FBXO31: variants seen among roughly 807,000 people sequenced by gnomAD.
FBXO31 encodes the protein F-box only protein 31.
A neutral mutation model predicts 54.4 loss-of-function variants in FBXO31; 24 were observed. The ratio of observed to expected loss-of-function variants is 0.44; its 90% CI spans 0.32 to 0.62. FBXO31 has a LOEUF of 0.62. Ranked by LOEUF, FBXO31 falls within the 20% of genes least tolerant of loss-of-function variation. The pLI is 0.05. For missense variants in FBXO31, 665 were observed against 787.1 expected (o/e 0.84, Z 1.86); for synonymous variants, 388 against 335.6 (o/e 1.16, Z -1.71).
chr16:87,383,850 G>T, upstream of FBXO31: 2 of 830,492 alleles, frequency 2.4e-6, no homozygotes, highest in Non-Finnish European at 3.0e-6. The surrounding 1 kb of genome is among the most constrained non-coding windows in gnomAD (Gnocchi z 4.9). Flanking sequence ...CACGCCCCCT[G>T]GAGAGCCTAG....
chr16:87,381,526 T>C (rs1907076398), intron 1 of FBXO31, among the ~76,000 whole-genome samples: 1 of 152,218 alleles, frequency 6.6e-6, no homozygotes, highest in Non-Finnish European at 1.5e-5. Context: ...GAGCCTGGGC[T>C]GGGGCCCAAG....
At chr16:87,352,718 T>C (rs139701219) in intron 2 of FBXO31, among the ~76,000 whole-genome samples, 3 of 152,320 alleles carry the variant, frequency 2.0e-5, no homozygotes, top group African/African-American at 4.8e-5. Flanking sequence ...GAATAATCTT[T>C]TGAGGTCAAC....
chr16:87,347,076 G>T, intron 3 of FBXO31, 98 bp downstream of exon 3: 2 of 1,097,178 alleles, frequency 1.8e-6, no homozygotes, highest in South Asian at 2.5e-5. Context: ...GCACATCTGG[G>T]CCAGCTTGTA....
At chr16:87,378,234 A>G (rs545439591) in intron 1 of FBXO31, among the ~76,000 whole-genome samples, 59 of 152,324 alleles carry the variant, frequency 3.9e-4, no homozygotes, top group Middle Eastern at 3.4e-3. Flanking sequence ...AGAAAGGAAA[A>G]AAGAAGCAAA....
chr16:87,346,045 G>A lies in FBXO31; in HGVS notation c.489+1129C>T, dbSNP rs1439428476. Among the ~76,000 whole-genome samples, 1 of 152,210 alleles carries A rather than the reference G, an allele frequency of 6.6e-6. No homozygotes were observed. Among genetic ancestry groups the A allele is most frequent in the Non-Finnish European group, 1.5e-5 (1 of 68,038 alleles). ...CTGCTGAGAGGAGAAGGGGCCAAGC[G>A]AAGCGTGACTCACAAAGCCAGGAAG... On this transcript the variant is annotated intron_variant, in intron 3 of 8. Coordinates refer to ENST00000311635, the MANE Select transcript of FBXO31 (RefSeq NM_024735.5). This position sits in a 1 kb window ranked among gnomAD's most constrained non-coding sequence, Gnocchi z 4.2.
At chr16:87,359,905 C>A (rs1474636520) in intron 2 of FBXO31, among the ~76,000 whole-genome samples, 1 of 152,172 alleles carries the variant, frequency 6.6e-6, no homozygotes, top group African/African-American at 2.4e-5. Flanking sequence ...GTTCTCCGTA[C>A]CTGGGGCTTG....
chr16:87,371,779 A>T (rs1041720076), intron 1 of FBXO31, among the ~76,000 whole-genome samples: 3 of 152,204 alleles, frequency 2.0e-5, no homozygotes, highest in Non-Finnish European at 2.9e-5. Flanking sequence ...CAGCGCCAGG[A>T]CCTCTAGCAA....
Position 87,335,310 on chromosome 16 carries a change from C to T in FBXO31, c.990G>A (p.Lys330=). The T allele has an allele frequency of 6.2e-7, 1 of 1,613,678 alleles. No homozygotes were observed. Among genetic ancestry groups the T allele is most frequent in the East Asian group, 2.2e-5 (1 of 44,868 alleles). The change falls in exon 7 of 9, where the codon AAG becomes AAA. Residue 330 remains lysine (K), a synonymous_variant. Transcript: ENST00000311635. The surrounding 1 kb of genome is among the most constrained non-coding windows in gnomAD (Gnocchi z 5.7). The stretch of plus-strand genomic sequence containing the variant: ...CAGGTCAGCCGCCACTCACCGTGAT[C>T]TTGGTGCCCCTGGCACGCCGGCCGT... ...SFHGRRARGT[K]ITGDPNIPAG... is the part of the protein sequence containing the mutation.
At chr16:87,363,107 G>A (rs1034813014) in intron 1 of FBXO31, among the ~76,000 whole-genome samples, 10 of 152,168 alleles carry the variant, frequency 6.6e-5, no homozygotes, top group Admixed American at 3.3e-4. Context: ...AACAAAAGCC[G>A]GGCGCGGTGG....
chr16:87,349,833 C>T (rs867945903), intron 2 of FBXO31, among the ~76,000 whole-genome samples: 30 of 146,964 alleles, frequency 2.0e-4, no homozygotes, highest in Middle Eastern at 3.6e-3. Flanking sequence ...CACTTGAGCC[C>T]GGGAGGCGGA....
intron 8 of FBXO31, 107 bp from the exon 9 acceptor site, chr16:87,331,617 C>T: frequency 1.1e-6 from 1 of 929,890 alleles, no homozygotes; most frequent in South Asian, 1.7e-5. Context: ...GCCACATCCA[C>T]TGTTCATCAG....
intron 2 of FBXO31, among the ~76,000 whole-genome samples, chr16:87,359,777 C>T (rs553527356): frequency 1.3e-5 from 2 of 152,142 alleles, no homozygotes; most frequent in Admixed American, 6.5e-5. Flanking sequence ...TCTGCCTGAT[C>T]GGTGAGTGTC....
At chr16:87,350,944 T>G (rs1489386653) in intron 2 of FBXO31, among the ~76,000 whole-genome samples, 2 of 152,206 alleles carry the variant, frequency 1.3e-5, no homozygotes, top group Non-Finnish European at 2.9e-5. Flanking sequence ...ATCTTGAAGC[T>G]CTGCGTGTTG....
chr16:87,343,462 C>G, intron 4 of FBXO31, 136 bp downstream of exon 4: 1 of 1,055,056 alleles, frequency 9.5e-7, no homozygotes, highest in Non-Finnish European at 1.4e-6. Flanking sequence ...CACAGCAGGG[C>G]AGGGCGGAGC....
At chr16:87,374,428 TGTG>T (rs1241501446) in intron 1 of FBXO31, among the ~76,000 whole-genome samples, 3 of 152,108 alleles carry the variant, frequency 2.0e-5, no homozygotes, top group Non-Finnish European at 4.4e-5. Flanking sequence ...TTGACTATCT[TGTG>T]ATTTATTGGG....
chr16:87,328,580 C>CA lies in FBXO31; in HGVS notation c.*2707dup, dbSNP rs1438548131. 2 of 152,270 alleles carry CA rather than the reference C, an allele frequency of 1.3e-5. No homozygotes were observed. Among genetic ancestry groups the CA allele is most frequent in the African/African-American group, 4.8e-5 (2 of 41,466 alleles). The allele number at this position is 152,270 out of a possible 1,614,324, so 9.4% of individuals were successfully genotyped here. A position where few individuals can be genotyped will look rare whatever the true frequency, so the allele number is the denominator to read the frequency against. ...AATCTCAGCCTGCAGAAGTCGTTTGCAACTTCCTCATGCAAATGAACATTC... is the reference window on the plus strand; with the variant it reads ...AATCTCAGCCTGCAGAAGTCGTTTGCAAACTTCCTCATGCAAATGAACATTC... On this transcript the variant is annotated 3_prime_UTR_variant, in exon 9 of 9. Transcript: ENST00000311635.
intron 2 of FBXO31, 94 bp from the exon 3 acceptor site, chr16:87,347,344 C>T (rs1905435413): frequency 9.5e-7 from 1 of 1,053,552 alleles, no homozygotes; most frequent in East Asian, 2.4e-5. Flanking sequence ...ACCATGAGGA[C>T]TCACAAAAGG....
chr16:87,383,577 C>T lies in FBXO31; in HGVS notation c.168G>A (p.Ala56=). ...ASAGVGGGLC[A]GPSPPPPRCS... is the part of the protein sequence containing the mutation. The stretch of plus-strand genomic sequence containing the variant: ...AGCGCGGGGGCGGCGGCGAGGGGCC[C>T]GCGCACAAGCCGCCCCCGACCCCGG... Residue 56 remains alanine, a synonymous_variant, in exon 1 of 9, where the codon GCG becomes GCA. Coordinates refer to ENST00000311635, the MANE Select transcript of FBXO31 (RefSeq NM_024735.5). This position sits in a 1 kb window ranked among gnomAD's most constrained non-coding sequence, Gnocchi z 4.9. 1.3e-6 allele frequency: 2 copies of T among 1,501,326 alleles called. No homozygotes were observed. Among genetic ancestry groups the T allele is most frequent in the East Asian group, 2.7e-5 (1 of 36,484 alleles). 93.0% of individuals were successfully genotyped at this position (1,501,326 alleles called of 1,614,324 possible).
rs1455804059 is a variant in FBXO31, at chr16:87,338,322, A to C, written c.733-2058T>G. ...AGGGCCTGCTCACTCAACACATTGT[A>C]CTCGCGACCCTCGTGGCAGCGCCGG... On this transcript the variant is annotated intron_variant, in intron 5 of 8. Coordinates refer to ENST00000311635, the MANE Select transcript of FBXO31 (RefSeq NM_024735.5). The surrounding 1 kb of genome is among the most constrained non-coding windows in gnomAD (Gnocchi z 4.3). Among the ~76,000 whole-genome samples the C allele has an allele frequency of 2.0e-5, 3 of 151,736 alleles. No homozygotes were observed. The highest frequency in any genetic ancestry group is 4.4e-5 in the Non-Finnish European group (3 of 67,998).
Sources: gnomAD v4.1 joint callset for allele counts (sites outside exome capture counted in the v4.1 genomes callset) on GRCh38, gnomAD v4.1.1 for gene constraint, Gnocchi (gnomAD v3.1) non-coding constraint, MANE v1.5 for transcripts, NCBI Gene and HGNC (gene_info 2026-07-23, HGNC 2026-07-21) for gene names.